The following BRINP1 variants were observed in gnomAD, a reference collection of about 807,000 sequenced individuals.
BRINP1 encodes BMP/retinoic acid-inducible neural-specific protein 1.
A neutral mutation model predicts 72.9 loss-of-function variants in BRINP1; 17 were observed. That is an observed-to-expected ratio of 0.23 (90% CI 0.16 to 0.35). The LOEUF (loss-of-function observed/expected upper bound fraction) is 0.35, where lower values mean the gene tolerates loss of function less well. Ranked by LOEUF, BRINP1 falls within the 10% of genes least tolerant of loss-of-function variation. BRINP1 has a pLI of 1.00. For missense variants in BRINP1, 850 were observed against 1,001.6 expected (o/e 0.85, Z 2.04); for synonymous variants, 418 against 378.5 (o/e 1.10, Z -1.21).
chr9:119,201,063 T>G (rs534149738), intron 7 of BRINP1, among the ~76,000 whole-genome samples: 1 of 152,264 alleles, frequency 6.6e-6, no homozygotes, highest in East Asian at 1.9e-4. Context: ...CACCTGAGGA[T>G]TTTGTTCTTT....
chr9:119,268,392 C>T (rs1394039003), intron 2 of BRINP1, among the ~76,000 whole-genome samples: 4 of 152,138 alleles, frequency 2.6e-5, no homozygotes, highest in Non-Finnish European at 5.9e-5. Context: ...TACCATCCTC[C>T]ATTAATTGAT....
At position 119,369,366 on chromosome 9, in the gene BRINP1, C is replaced by A; in HGVS notation, c.-361G>T. On this transcript the variant is annotated 5_prime_UTR_variant, in exon 1 of 8. Transcript: ENST00000265922. ...CCTCTCTCGCGGGTTCGCTCGCCTG[C>A]GCTCTCCTCCTCCCCGCGCGCCAGA... 2.5e-6 allele frequency: 1 copy of A among 397,842 alleles called. No homozygotes were observed. The highest frequency in any genetic ancestry group is 4.4e-6 in the Non-Finnish European group (1 of 225,670). The allele number at this position is 397,842 out of a possible 1,614,324, so 24.6% of individuals were successfully genotyped here. A position where few individuals can be genotyped will look rare whatever the true frequency, so the allele number is the denominator to read the frequency against.
chr9:119,299,365 G>A (rs994571875), intron 2 of BRINP1, among the ~76,000 whole-genome samples: 1 of 152,128 alleles, frequency 6.6e-6, no homozygotes, highest in African/African-American at 2.4e-5. Context: ...TGTAATCCCA[G>A]CACTTTGGGA....
chr9:119,178,745 TGAG>T (rs1164683927), intron 7 of BRINP1, among the ~76,000 whole-genome samples: 6 of 152,210 alleles, frequency 3.9e-5, no homozygotes, highest in African/African-American at 1.4e-4. Context: ...ATGACTTGTC[TGAG>T]ATCACAAAAT....
intron 5 of BRINP1, among the ~76,000 whole-genome samples, chr9:119,226,967 T>C (rs1359258099): frequency 1.3e-5 from 2 of 151,996 alleles, no homozygotes; most frequent in South Asian, 2.1e-4. Flanking sequence ...AAAAGGTAGT[T>C]ACTTAACTTC....
intron 4 of BRINP1, 115 bp downstream of exon 4, chr9:119,241,932 C>T (rs988600455): frequency 1.2e-5 from 13 of 1,122,266 alleles, no homozygotes; most frequent in Non-Finnish European, 1.5e-5. Context: ...GAGGGCATCA[C>T]GAGCTACATG....
At chr9:119,215,155 T>C (rs1588166745) in intron 5 of BRINP1, among the ~76,000 whole-genome samples, 1 of 152,246 alleles carries the variant, frequency 6.6e-6, no homozygotes, top group South Asian at 2.1e-4. Flanking sequence ...GCTCTAACAG[T>C]GAGGAAGCCA....
At chr9:119,251,244 C>A (rs73661137) in intron 2 of BRINP1, among the ~76,000 whole-genome samples, 3 of 152,080 alleles carry the variant, frequency 2.0e-5, no homozygotes, top group Non-Finnish European at 2.9e-5. Context: ...ATGATGTCCA[C>A]GGAAGGGGAA....
chr9:119,277,797 G>A (rs1830671415), intron 2 of BRINP1, among the ~76,000 whole-genome samples: 1 of 152,146 alleles, frequency 6.6e-6, no homozygotes, highest in African/African-American at 2.4e-5. Context: ...TCTCCAGGCA[G>A]TAAGTATGGC....
chr9:119,290,814 C>T (rs949291970), intron 2 of BRINP1, among the ~76,000 whole-genome samples: 1 of 152,138 alleles, frequency 6.6e-6, no homozygotes, highest in East Asian at 1.9e-4. Context: ...ATTCATAGAA[C>T]AGATGCCATA....
At chr9:119,199,798 TTC>T (rs1491403407) in intron 7 of BRINP1, among the ~76,000 whole-genome samples, 7 of 50,404 alleles carry the variant, frequency 1.4e-4, no homozygotes, top group East Asian at 4.8e-4. Context: ...TTTCTTGTTC[TTC>T]TTTTTTTTTT....
In BRINP1 at chr9:119,168,214, G is replaced by A; in HGVS notation, c.1156C>T (p.Gln386Ter). ...AGTGACTGGACCCTTGCAAGCCACT[G>A]CTGAATTGTCCTGGGAGATAAAGGA... ...HQLPRERTIQ[Q>*]WLARVQSLLY... is the part of the protein sequence containing the mutation. Residue 386 changes from glutamine to a stop codon, truncating the protein, a stop_gained, in exon 8 of 8, where the codon CAG (glutamine) becomes TAG (stop). Transcript: ENST00000265922. LOFTEE classifies it high-confidence loss of function. 6.6e-7 allele frequency: 1 copy of A among 1,513,690 alleles called. No individual in the cohort carries two copies. The highest frequency in any genetic ancestry group is 1.3e-5 in the South Asian group (1 of 75,854). 93.8% of individuals were successfully genotyped at this position (1,513,690 alleles called of 1,614,324 possible).
chr9:119,182,451 C>T (rs946676338), intron 7 of BRINP1, among the ~76,000 whole-genome samples: 33 of 152,128 alleles, frequency 2.2e-4, no homozygotes, highest in African/African-American at 7.7e-4. Context: ...GGTCTGAAAG[C>T]TTGTATACCC....
chr9:119,249,734 A>G (rs749728875), intron 2 of BRINP1, among the ~76,000 whole-genome samples: 2 of 151,716 alleles, frequency 1.3e-5, no homozygotes, highest in Non-Finnish European at 2.9e-5. Context: ...TCCCTAACCC[A>G]GCCCTGTATA....
chr9:119,186,771 T>C (rs1564212420), intron 7 of BRINP1, among the ~76,000 whole-genome samples: 2 of 152,134 alleles, frequency 1.3e-5, no homozygotes, highest in South Asian at 2.1e-4. Context: ...AAAGCCAATA[T>C]TGCACTGCTA....
At chr9:119,339,011 G>A (rs1021119566) in intron 1 of BRINP1, among the ~76,000 whole-genome samples, 1 of 152,132 alleles carries the variant, frequency 6.6e-6, no homozygotes, top group Non-Finnish European at 1.5e-5. Context: ...ATAAGAGAAG[G>A]AAAAATGAGG....
chr9:119,246,990 T>A (rs1243174277), intron 3 of BRINP1, among the ~76,000 whole-genome samples: 1 of 152,188 alleles, frequency 6.6e-6, no homozygotes, highest in Non-Finnish European at 1.5e-5. Context: ...TGTGAATAAT[T>A]CACCACCTTG....
At chr9:119,295,519 A>G (rs762804915) in intron 2 of BRINP1, among the ~76,000 whole-genome samples, 5 of 152,236 alleles carry the variant, frequency 3.3e-5, no homozygotes, top group Non-Finnish European at 5.9e-5. Flanking sequence ...ATATTCATGT[A>G]TCAAATATAT....
At chr9:119,310,763 C>G (rs1349779125) in intron 2 of BRINP1, among the ~76,000 whole-genome samples, 4 of 152,072 alleles carry the variant, frequency 2.6e-5, no homozygotes, top group Non-Finnish European at 5.9e-5. Context: ...CGTGTCCATG[C>G]TAGCATACAG....
Sources: allele counts gnomAD v4.1 joint callset (sites outside exome capture counted in the v4.1 genomes callset), GRCh38; gene constraint gnomAD v4.1.1; transcripts MANE v1.5; gene names NCBI Gene and HGNC (gene_info 2026-07-23, HGNC 2026-07-21).